The following ZPBP variants were observed in gnomAD, a reference collection of about 807,000 sequenced individuals.
ZPBP encodes the protein zona pellucida binding protein.
In ZPBP, 26 loss-of-function variants were observed where a neutral mutation model predicts 44.8. That is an observed-to-expected ratio of 0.58 (90% CI 0.43 to 0.81). ZPBP has a LOEUF of 0.81. Ranked by LOEUF, ZPBP falls within the 30% of genes least tolerant of loss-of-function variation. ZPBP has a pLI of 0.00. For missense variants in ZPBP, 409 were observed against 434.0 expected (o/e 0.94, Z 0.51); for synonymous variants, 174 against 153.2 (o/e 1.14, Z -1.00).
intron 7 of ZPBP, among the ~76,000 whole-genome samples, chr7:49,969,353 A>C (rs1280712267): frequency 1.3e-5 from 2 of 151,278 alleles, no homozygotes; most frequent in African/African-American, 2.4e-5. Flanking sequence ...TTAAATTTAA[A>C]TTTAAGATGG....
At chr7:50,064,700 G>A (rs1303904232) in intron 3 of ZPBP, among the ~76,000 whole-genome samples, 1 of 152,198 alleles carries the variant, frequency 6.6e-6, no homozygotes, top group Non-Finnish European at 1.5e-5. Context: ...CAGAGTTTAA[G>A]GTTATCTCTC....
At chr7:49,850,758 C>T (rs895070368) in intron 2 of ZPBP, among the ~76,000 whole-genome samples, 3 of 152,248 alleles carry the variant, frequency 2.0e-5, no homozygotes, top group Non-Finnish European at 4.4e-5. Context: ...AATTACTTCA[C>T]CCTGCATAAC....
intron 5 of ZPBP, among the ~76,000 whole-genome samples, chr7:50,019,755 T>TA (rs768033224): frequency 1.3e-5 from 2 of 152,086 alleles, no homozygotes; most frequent in Non-Finnish European, 2.9e-5. Flanking sequence ...TATTATGAGG[T>TA]ACTATACAAT....
At chr7:50,023,965 CAAGAA>C (rs1799208521) in intron 5 of ZPBP, among the ~76,000 whole-genome samples, 2 of 150,928 alleles carry the variant, frequency 1.3e-5, no homozygotes, top group African/African-American at 2.4e-5. Flanking sequence ...ATTAAAAAAA[CAAGAA>C]AAGAATATCC....
chr7:49,879,742 T>A (rs543090013), intron 2 of ZPBP, among the ~76,000 whole-genome samples: 79 of 150,444 alleles, frequency 5.3e-4, no homozygotes, highest in Middle Eastern at 6.8e-3. Context: ...CTTTCCATGG[T>A]TATTTTTTTA....
chr7:49,958,041 T>C (rs1203455054), intron 7 of ZPBP, among the ~76,000 whole-genome samples: 2 of 152,238 alleles, frequency 1.3e-5, no homozygotes, highest in African/African-American at 4.8e-5. Context: ...TGTTGGGTTT[T>C]GGACTTCCTT....
chr7:49,851,920 G>C (rs1399411032), intron 2 of ZPBP, among the ~76,000 whole-genome samples: 1 of 152,028 alleles, frequency 6.6e-6, no homozygotes, highest in East Asian at 1.9e-4. Flanking sequence ...CACAACACTG[G>C]ATCTCTAAAG....
chr7:50,019,138 T>C (rs895339161), intron 5 of ZPBP, among the ~76,000 whole-genome samples: 3 of 152,062 alleles, frequency 2.0e-5, no homozygotes, highest in Non-Finnish European at 1.5e-5. Context: ...AATAATGTGA[T>C]TTTTGTCACC....
At chr7:49,999,745 ATGGT>A (rs1328282977) in intron 6 of ZPBP, among the ~76,000 whole-genome samples, 1 of 152,170 alleles carries the variant, frequency 6.6e-6, no homozygotes, top group Non-Finnish European at 1.5e-5. Context: ...AGTGGAGTGG[ATGGT>A]GCCCACCCAC....
At chr7:50,087,734 T>G (rs924456547) in intron 2 of ZPBP, among the ~76,000 whole-genome samples, 5 of 152,046 alleles carry the variant, frequency 3.3e-5, no homozygotes, top group African/African-American at 1.2e-4. Flanking sequence ...ATGTAACACT[T>G]GCATACTGAA....
At chr7:49,985,454 A>C (rs115000237) in intron 6 of ZPBP, among the ~76,000 whole-genome samples, 2,138 of 152,248 alleles carry the variant, frequency 0.014, 36 homozygotes, top group African/African-American at 0.049. Context: ...GTATTTCAAA[A>C]TCTGAAAATA....
intron 2 of ZPBP, among the ~76,000 whole-genome samples, chr7:49,869,756 C>A (rs1031687733): frequency 1.3e-5 from 2 of 152,086 alleles, no homozygotes; most frequent in Non-Finnish European, 2.9e-5. Flanking sequence ...CTATGACCAG[C>A]AAACATCCAA....
rs150391164 is a variant in ZPBP at position 50,059,567 on chromosome 7, G to A, written c.335-1426C>T. ...TATAAACGAAGTTAACAGTTTGCAA[G>A]AGTTCACTATGTATTTCAGCAGAAA... On this transcript the variant is annotated intron_variant, in intron 3 of 7. Transcript: ENST00000046087. Among the ~76,000 whole-genome samples, 584 of 152,242 alleles carry A rather than the reference G, an allele frequency of 3.8e-3. 5 individuals are homozygous for A. The highest frequency in any genetic ancestry group is 5.9e-3 in the Non-Finnish European group (403 of 68,020).
intron 5 of ZPBP, among the ~76,000 whole-genome samples, chr7:50,021,210 A>G (rs1467213705): frequency 6.6e-6 from 1 of 152,164 alleles, no homozygotes; most frequent in Non-Finnish European, 1.5e-5. Flanking sequence ...GACTTGCTGT[A>G]TAAAAACTCT....
At chr7:50,081,650 A>G in intron 3 of ZPBP, 124 bp downstream of exon 3, 1 of 1,249,064 alleles carries the variant, frequency 8.0e-7, no homozygotes, top group South Asian at 1.3e-5. Flanking sequence ...TAACTCCAAA[A>G]GGAAATCACA....
chr7:50,047,563 T>G (rs3807318), intron 4 of ZPBP, among the ~76,000 whole-genome samples: 1 of 151,208 alleles, frequency 6.6e-6, no homozygotes, highest in Non-Finnish European at 1.5e-5. Context: ...TAGCCTTACA[T>G]GATTTTTATG....
chr7:50,012,552 A>C (rs1798636034), intron 6 of ZPBP, among the ~76,000 whole-genome samples: 1 of 151,764 alleles, frequency 6.6e-6, no homozygotes, highest in Non-Finnish European at 1.5e-5. Context: ...TATAATGCAG[A>C]TATAAGTTGT....
chr7:50,041,465 G>A (rs1426724259), intron 4 of ZPBP, among the ~76,000 whole-genome samples: 1 of 152,206 alleles, frequency 6.6e-6, no homozygotes, highest in Non-Finnish European at 1.5e-5. Flanking sequence ...GGAAGGAACA[G>A]GCAGCAATCT....
chr7:50,084,248 T>C (rs1802513591), intron 2 of ZPBP, among the ~76,000 whole-genome samples: 1 of 151,802 alleles, frequency 6.6e-6, no homozygotes, highest in Admixed American at 6.6e-5. Flanking sequence ...GGTGCAGCCT[T>C]TTTGAAGAGC....
Sources: gnomAD v4.1 joint callset for allele counts (sites outside exome capture counted in the v4.1 genomes callset) on GRCh38, gnomAD v4.1.1 for gene constraint, MANE v1.5 for transcripts, NCBI Gene and HGNC (gene_info 2026-07-23, HGNC 2026-07-21) for gene names.